Variants in SEZ6L observed in about 807,000 individuals in gnomAD.
SEZ6L encodes seizure related 6 homolog like, also known as seizure 6-like protein.
A neutral mutation model predicts 106.2 loss-of-function variants in SEZ6L; 37 were observed. That is an observed-to-expected ratio of 0.35 (90% CI 0.27 to 0.46). SEZ6L has a LOEUF of 0.46. Among genes scored for constraint, SEZ6L ranks in the 20% least tolerant of loss-of-function variants. The pLI is 1.00. For synonymous variants in SEZ6L, 541 were observed against 570.4 expected, an observed-to-expected ratio of 0.95 and a Z score of 0.73; for missense variants, 1,172 against 1,332.8, an observed-to-expected ratio of 0.88 and a Z score of 1.88.
intron 9 of SEZ6L, among the ~76,000 whole-genome samples, chr22:26,329,588 C>T (rs538893527): frequency 6.6e-5 from 10 of 152,338 alleles, no homozygotes; most frequent in Non-Finnish European, 1.2e-4. Flanking sequence ...GGCCTGTCTG[C>T]CATTTTATCA....
intron 9 of SEZ6L, among the ~76,000 whole-genome samples, chr22:26,316,446 G>C (rs1235085799): frequency 6.6e-6 from 1 of 152,208 alleles, no homozygotes; most frequent in Non-Finnish European, 1.5e-5. Context: ...ACAGGCAGGT[G>C]AGGGCACCTG....
At chr22:26,215,552 T>A (rs553194854) in intron 1 of SEZ6L, among the ~76,000 whole-genome samples, 1 of 151,572 alleles carries the variant, frequency 6.6e-6, no homozygotes, top group African/African-American at 2.4e-5. Context: ...CAGGAAGGGA[T>A]GAAAGAAAAA....
At chr22:26,306,233 GC>G (rs1424434681) in intron 6 of SEZ6L, 89 bp downstream of exon 6, 2 of 1,430,140 alleles carry the variant, frequency 1.4e-6, no homozygotes, top group Non-Finnish European at 1.9e-6. Context: ...AATGGCTGAA[GC>G]TTTGACCCTC....
intron 12 of SEZ6L, among the ~76,000 whole-genome samples, chr22:26,361,225 T>C (rs1433140652): frequency 6.6e-6 from 1 of 151,838 alleles, no homozygotes; most frequent in Non-Finnish European, 1.5e-5. Flanking sequence ...AGGCCAGGTG[T>C]GGTGGCTCAT....
chr22:26,284,648 A>C (rs1480676004), intron 1 of SEZ6L, among the ~76,000 whole-genome samples: 1 of 148,296 alleles, frequency 6.7e-6, no homozygotes, highest in Non-Finnish European at 1.5e-5. Flanking sequence ...ATGACGGTTT[A>C]AACAAGATTA....
At chr22:26,225,449 G>A (rs565790883) in intron 1 of SEZ6L, among the ~76,000 whole-genome samples, 11 of 152,304 alleles carry the variant, frequency 7.2e-5, no homozygotes, top group Admixed American at 7.2e-4. Flanking sequence ...GAGAAAGAGG[G>A]TGGGGGGATT....
At chr22:26,193,786 C>T (rs16981495) in intron 1 of SEZ6L, among the ~76,000 whole-genome samples, 18,972 of 152,140 alleles carry the variant, frequency 0.12, 1,734 homozygotes, top group East Asian at 0.45. Context: ...CCAAATTCTT[C>T]CAGGAATAAT....
chr22:26,367,449 T>G (rs2083857517), intron 13 of SEZ6L, among the ~76,000 whole-genome samples: 1 of 152,034 alleles, frequency 6.6e-6, no homozygotes, highest in Non-Finnish European at 1.5e-5. Context: ...GCTCAAGCTA[T>G]CCTCCTACCT....
chr22:26,201,387 A>AT (rs1373731448), intron 1 of SEZ6L, among the ~76,000 whole-genome samples: 1 of 146,132 alleles, frequency 6.8e-6, no homozygotes, highest in Non-Finnish European at 1.5e-5. Flanking sequence ...AAATACAAAA[A>AT]AAAAAAAAAA....
intron 1 of SEZ6L, among the ~76,000 whole-genome samples, chr22:26,205,135 T>C (rs5761402): frequency 0.049 from 7,408 of 152,330 alleles, 347 homozygotes; most frequent in East Asian, 0.22. Flanking sequence ...AGAAACTCGC[T>C]TTATGTGGCA....
chr22:26,243,850 T>C (rs1397636314), intron 1 of SEZ6L, among the ~76,000 whole-genome samples: 1 of 151,476 alleles, frequency 6.6e-6, no homozygotes, highest in African/African-American at 2.4e-5. Context: ...CCTGGCGTGG[T>C]GGCTCACAAG....
chr22:26,352,480 C>T (rs1400807436), intron 12 of SEZ6L, among the ~76,000 whole-genome samples: 2 of 152,044 alleles, frequency 1.3e-5, no homozygotes, highest in Admixed American at 6.6e-5. Context: ...TTATAAATTC[C>T]CCTACATCTG....
chr22:26,231,569 G>C (rs1321623973), intron 1 of SEZ6L, among the ~76,000 whole-genome samples: 1 of 152,186 alleles, frequency 6.6e-6, no homozygotes, highest in African/African-American at 2.4e-5. Flanking sequence ...TGCAGTAGGG[G>C]ATGCAGTTTC....
At position 26,311,944 on chromosome 22, in the gene SEZ6L, A is replaced by G; in HGVS notation, c.1858A>G (p.Thr620Ala). The G allele has an allele frequency of 3.7e-6, 6 of 1,614,148 alleles. No homozygotes were observed. Among genetic ancestry groups the G allele is most frequent in the Non-Finnish European group, 3.4e-6 (4 of 1,180,032 alleles). ...INVRDPYWNDTEPLCRAMCGG... is the reference protein window; with the variant it reads ...INVRDPYWNDAEPLCRAMCGG... The stretch of plus-strand genomic sequence containing the variant: ...TGTGCGGGACCCATACTGGAATGAC[A>G]CAGAGCCCCTGTGCAGAGGTGAGCG... The change falls in exon 8 of 17, where the codon ACA becomes GCA. Residue 620 changes from threonine to alanine, a missense_variant. Coordinates refer to ENST00000248933, the MANE Select transcript of SEZ6L (RefSeq NM_021115.5).
In SEZ6L at chr22:26,381,844, A is replaced by G; in HGVS notation, c.*1549A>G. The stretch of plus-strand genomic sequence containing the variant: ...ACAGACGGGCACAGTGGCATTTGGA[A>G]CCCTCTTTGGTGCCCTCCCATTCTC... On this transcript the variant is annotated 3_prime_UTR_variant, in exon 17 of 17. Transcript: ENST00000248933. 1 of 344,870 alleles carries G rather than the reference A, an allele frequency of 2.9e-6. No individual in the cohort carries two copies. The highest frequency in any genetic ancestry group is 7.5e-5 in the East Asian group (1 of 13,394). 21.4% of individuals were successfully genotyped at this position (344,870 alleles called of 1,614,324 possible).
At chr22:26,235,308 C>A (rs1010697539) in intron 1 of SEZ6L, among the ~76,000 whole-genome samples, 2 of 152,206 alleles carry the variant, frequency 1.3e-5, no homozygotes, top group Non-Finnish European at 2.9e-5. Context: ...GGAACAAAAT[C>A]ACTCTTGGTT....
At chr22:26,338,381 C>T (rs1417684522) in intron 9 of SEZ6L, among the ~76,000 whole-genome samples, 1 of 152,080 alleles carries the variant, frequency 6.6e-6, no homozygotes, top group Non-Finnish European at 1.5e-5. Flanking sequence ...TTCTCCCCAT[C>T]ATTCATTGTT....
chr22:26,317,098 G>A (rs1319271261), intron 9 of SEZ6L, among the ~76,000 whole-genome samples: 3 of 151,984 alleles, frequency 2.0e-5, no homozygotes, highest in Non-Finnish European at 4.4e-5. Flanking sequence ...TGTGGCTGGA[G>A]CAAAGCATGG....
chr22:26,338,873 T>TTTTTTTTC (rs2082735151), intron 9 of SEZ6L, among the ~76,000 whole-genome samples: 1 of 127,336 alleles, frequency 7.9e-6, no homozygotes, highest in African/African-American at 2.9e-5. Flanking sequence ...TTTTCTTTTT[T>TTTTTTTTC]TTTTTTTTTT....
Sources: gnomAD v4.1 joint callset for allele counts (sites outside exome capture counted in the v4.1 genomes callset) on GRCh38, gnomAD v4.1.1 for gene constraint, MANE v1.5 for transcripts, NCBI Gene and HGNC (gene_info 2026-07-23, HGNC 2026-07-21) for gene names.